The following MYO7B variants were observed in gnomAD, a reference collection of about 807,000 sequenced individuals.
MYO7B encodes the protein myosin VIIB.
A neutral mutation model predicts 259.7 loss-of-function variants in MYO7B; 212 were observed. That is an observed-to-expected ratio of 0.82 (90% CI 0.73 to 0.91). The LOEUF is 0.91. MYO7B is among the 40% of genes least tolerant of loss of function. The pLI, the probability that MYO7B is intolerant of heterozygous loss-of-function variation, is 0.00. For synonymous variants in MYO7B, 1,197 were observed against 1,166.4 expected (o/e 1.03, Z -0.54); for missense variants, 2,732 against 2,813.5 (o/e 0.97, Z 0.66).
chr2:127,623,384 C>T lies in MYO7B; in HGVS notation c.3819+9C>T. ...TCGCCGTGTACGACAAGGTACCAGC[C>T]AGGCACCCTGCCCGTCAGCCGCCTC... On this transcript the variant is annotated intron_variant, in intron 29 of 47. Coordinates refer to ENST00000409816, the MANE Select transcript of MYO7B (RefSeq NM_001393586.1). 1 of 1,563,054 alleles carries T rather than the reference C, an allele frequency of 6.4e-7. No individual in the cohort carries two copies. The highest frequency in any genetic ancestry group is 8.7e-7 in the Non-Finnish European group (1 of 1,155,384).
In MYO7B at chr2:127,634,252, G is replaced by T. The variant is rs751827701; in HGVS notation, c.5588G>T (p.Trp1863Leu). Residue 1863 changes from tryptophan (W) to leucine (L), a missense_variant, in exon 41 of 48, where the codon TGG becomes TTG. Physicochemically the swap from Trp to Leu is moderately conservative, Grantham distance 61. Coordinates refer to ENST00000409816, the MANE Select transcript of MYO7B (RefSeq NM_001393586.1). ...GCCACCAGGCTGCAGCTGGCCTCCTGGGAGGGCTGCAGCCTCTTCATCAAG... is the reference window on the plus strand; with the variant it reads ...GCCACCAGGCTGCAGCTGGCCTCCTTGGAGGGCTGCAGCCTCTTCATCAAG... ...SIATRLQLAS[W>L]EGCSLFIKIS... The T allele has an allele frequency of 6.3e-7, 1 of 1,594,484 alleles. No homozygotes were observed. Among genetic ancestry groups the T allele is most frequent in the East Asian group, 2.2e-5 (1 of 44,590 alleles).
chr2:127,589,950 G>T lies in MYO7B; in HGVS notation c.1855-142G>T, dbSNP rs915593801. 5.7e-6 allele frequency: 5 copies of T among 875,248 alleles called. No homozygotes were observed. The African/African-American group carries it at 8.5e-5, about 15-fold the overall frequency. 54.2% of individuals were successfully genotyped at this position (875,248 alleles called of 1,614,324 possible). On this transcript the variant is annotated intron_variant, in intron 15 of 47. Transcript: ENST00000409816. ...TGAGTGGGTGGATGGATACATGGAT[G>T]GGTGGGTGGGTGGATTCTTGAATAG...
chr2:127,581,377 C>T (rs887810696), intron 10 of MYO7B, among the ~76,000 whole-genome samples: 4 of 152,166 alleles, frequency 2.6e-5, no homozygotes, highest in African/African-American at 9.7e-5. Context: ...CACGTCACCC[C>T]CATTGACAGT....
intron 34 of MYO7B, 115 bp from the exon 35 acceptor site, chr2:127,629,530 T>C (rs1681345991): frequency 2.9e-6 from 3 of 1,049,198 alleles, no homozygotes; most frequent in Non-Finnish European, 2.7e-6. Context: ...GGAGTGGTCT[T>C]CTGCCCACCA....
rs369025944 is a variant in MYO7B, at chr2:127,623,391, C to A, written c.3819+16C>A. On this transcript the variant is annotated intron_variant, in intron 29 of 47. Coordinates refer to ENST00000409816, the MANE Select transcript of MYO7B (RefSeq NM_001393586.1). Reference sequence around the variant, plus strand: ...GTACGACAAGGTACCAGCCAGGCACCCTGCCCGTCAGCCGCCTCCCTCATA... The same window carrying A: ...GTACGACAAGGTACCAGCCAGGCACACTGCCCGTCAGCCGCCTCCCTCATA... 1.1e-4 allele frequency: 173 copies of A among 1,552,016 alleles called. 1 individual carries two copies. In the African/African-American group the frequency reaches 2.1e-3, roughly 18 times the overall value.
intron 28 of MYO7B, among the ~76,000 whole-genome samples, chr2:127,622,706 C>T (rs1385437470): frequency 1.3e-5 from 2 of 152,352 alleles, no homozygotes; most frequent in East Asian, 3.9e-4. Context: ...TGTTCTCACC[C>T]TGCCCCCGAG....
intron 26 of MYO7B, among the ~76,000 whole-genome samples, chr2:127,616,935 T>C (rs1050950340): frequency 6.6e-6 from 1 of 152,238 alleles, no homozygotes; most frequent in Non-Finnish European, 1.5e-5. Flanking sequence ...AACCGTGTTA[T>C]AAGATCCCTT....
At position 127,607,242 on chromosome 2, in the gene MYO7B, C is replaced by G; in HGVS notation, c.2461C>G (p.Arg821Gly). 1 of 1,550,314 alleles carries G rather than the reference C, an allele frequency of 6.5e-7. No homozygotes were observed. Among genetic ancestry groups the G allele is most frequent in the Admixed American group, 2.0e-5 (1 of 51,042 alleles). The change falls in exon 21 of 48, where the codon CGG (arginine) becomes GGG (glycine). Residue 821 changes from arginine to glycine, a missense_variant. By Grantham distance (125) the Arg-to-Gly change is moderately radical. Coordinates refer to ENST00000409816, the MANE Select transcript of MYO7B (RefSeq NM_001393586.1). The surrounding 1 kb of genome is among the most constrained non-coding windows in gnomAD (Gnocchi z 4.4). ...VGFERLQAIA[R>G]SQPLARQYQA... is the part of the protein sequence containing the mutation. ...CTTTGAGCGCCTGCAGGCTATTGCC[C>G]GGAGCCAGCCGCTGGCGAGGCAGTA...
At chr2:127,610,074 G>T (rs1680321258) in intron 24 of MYO7B, 58 bp downstream of exon 24, 5 of 1,580,314 alleles carry the variant, frequency 3.2e-6, no homozygotes, top group African/African-American at 2.7e-5. Flanking sequence ...GCCTACCAGG[G>T]CCCAGTCCCT....
At chr2:127,605,729 T>G in intron 19 of MYO7B, 115 bp from the exon 20 acceptor site, 1 of 863,064 alleles carries the variant, frequency 1.2e-6, no homozygotes. Flanking sequence ...ATTGTACGTA[T>G]TCATTTTTCC....
chr2:127,578,040 C>T, intron 8 of MYO7B, 93 bp from the exon 9 acceptor site: 2 of 1,482,390 alleles, frequency 1.3e-6, no homozygotes, highest in Admixed American at 1.9e-5. Flanking sequence ...CCACCCATTG[C>T]CTATGAAGTG....
chr2:127,581,038 T>C (rs1679079160), intron 10 of MYO7B, among the ~76,000 whole-genome samples: 1 of 152,204 alleles, frequency 6.6e-6, no homozygotes, highest in Non-Finnish European at 1.5e-5. Flanking sequence ...CCAGTTTGGC[T>C]TTAATGAATG....
chr2:127,609,573 C>T lies in MYO7B; in HGVS notation c.2882C>T (p.Pro961Leu), dbSNP rs578066431. 2 of 1,613,994 alleles carry T rather than the reference C, an allele frequency of 1.2e-6. No homozygotes were observed. The highest frequency in any genetic ancestry group is 2.7e-5 in the African/African-American group (2 of 75,048). ...GACACAGTCCCCATGGCGGAGGAGC[C>T]TGAGGAGGATGTGGATGGCCTGGCC... ...DLDTVPMAEE[P>L]EEDVDGLAEY... The change falls in exon 23 of 48, where the codon CCT becomes CTT. Residue 961 changes from proline (P) to leucine (L), a missense_variant. This residue lies in a region of MYO7B where 1,906 missense variants were observed against 2,026.4 expected (regional missense o/e 0.94). Transcript: ENST00000409816. The surrounding 1 kb of genome is among the most constrained non-coding windows in gnomAD (Gnocchi z 6.9).
At chr2:127,540,423 C>T (rs1692959598) in intron 1 of MYO7B, among the ~76,000 whole-genome samples, 1 of 152,234 alleles carries the variant, frequency 6.6e-6, no homozygotes, top group Non-Finnish European at 1.5e-5. Context: ...CTCGGCCTCC[C>T]AGAGTGTTGG....
rs879655652 is a variant in MYO7B, at chr2:127,627,498, G to A, written c.4460+188G>A. 3.2e-5 allele frequency: 26 copies of A among 814,944 alleles called. No individual in the cohort carries two copies. Among genetic ancestry groups the A allele is most frequent in the Non-Finnish European group, 5.3e-5 (26 of 492,756 alleles). 50.5% of individuals were successfully genotyped at this position (814,944 alleles called of 1,614,324 possible). On this transcript the variant is annotated intron_variant, in intron 33 of 47. Coordinates refer to ENST00000409816, the MANE Select transcript of MYO7B (RefSeq NM_001393586.1). The surrounding 1 kb of genome is among the most constrained non-coding windows in gnomAD (Gnocchi z 5.6). ...CCACCCTCCTGCACCAGGCCGTACT[G>A]CCCATGAAGTACTCCATTGGGGCAT...
chr2:127,591,044 C>T (rs1679538012), intron 16 of MYO7B, among the ~76,000 whole-genome samples: 1 of 152,090 alleles, frequency 6.6e-6, no homozygotes, highest in Admixed American at 6.5e-5. Flanking sequence ...TAAAAATTAG[C>T]TAGGTATGGT....
chr2:127,552,454 C>T (rs887790564), intron 1 of MYO7B, among the ~76,000 whole-genome samples: 1 of 151,922 alleles, frequency 6.6e-6, no homozygotes, highest in African/African-American at 2.4e-5. Context: ...TGAGGAGGGG[C>T]GGTGGAGGCC....
At position 127,549,406 on chromosome 2, in the gene MYO7B, C is replaced by A. The variant is rs761743387; in HGVS notation, c.-23-10294C>A. Among the ~76,000 whole-genome samples, 67 of 152,118 alleles carry A rather than the reference C, an allele frequency of 4.4e-4. 1 individual carries two copies. The highest frequency in any genetic ancestry group is 2.8e-4 in the Non-Finnish European group (19 of 68,026). ...TGCGTGATGCTGAGGTAGAAATGAT[C>A]CCGTCACCCAGGTAGTGAGCGTGGC... On this transcript the variant is annotated intron_variant, in intron 1 of 47. Coordinates refer to ENST00000409816, the MANE Select transcript of MYO7B (RefSeq NM_001393586.1).
Position 127,628,911 on chromosome 2 carries a change from G to A in MYO7B, c.4624+376G>A, listed in dbSNP as rs1166824143. Among the ~76,000 whole-genome samples, 2 of 152,226 alleles carry A rather than the reference G, an allele frequency of 1.3e-5. No individual in the cohort carries two copies. Among genetic ancestry groups the A allele is most frequent in the African/African-American group, 2.4e-5 (1 of 41,454 alleles). On this transcript the variant is annotated intron_variant, in intron 34 of 47. Coordinates refer to ENST00000409816, the MANE Select transcript of MYO7B (RefSeq NM_001393586.1). The surrounding 1 kb of genome is among the most constrained non-coding windows in gnomAD (Gnocchi z 4.8). Reference sequence around the variant, plus strand: ...CCATTTTACAGACGTGAGGCCAGAGGCCCAGAGATGGAAGTAGCTCACCCA... The same window carrying A: ...CCATTTTACAGACGTGAGGCCAGAGACCCAGAGATGGAAGTAGCTCACCCA...
Sources: allele counts gnomAD v4.1 joint callset (sites outside exome capture counted in the v4.1 genomes callset), GRCh38; gene constraint gnomAD v4.1.1; regional missense constraint gnomAD v4.1.1; non-coding constraint Gnocchi (gnomAD v3.1); transcripts MANE v1.5; gene names NCBI Gene and HGNC (gene_info 2026-07-23, HGNC 2026-07-21).